Variants in SDK1 observed in about 807,000 individuals in gnomAD.
SDK1 encodes sidekick cell adhesion molecule 1, also known as protein sidekick-1.
SDK1 carries 157 observed loss-of-function variants against 245.5 expected under a neutral mutation model. The observed-to-expected ratio is 0.64, with a 90% CI of 0.56 to 0.73. SDK1 has a LOEUF of 0.73. Ranked by LOEUF, SDK1 falls within the 30% of genes least tolerant of loss-of-function variation. The pLI is 0.00. For missense variants in SDK1, 3,583 were observed against 3,002.3 expected, an observed-to-expected ratio of 1.19 and a Z score of -4.52; for synonymous variants, 1,647 against 1,278.5, an observed-to-expected ratio of 1.29 and a Z score of -6.15.
intron 1 of SDK1, among the ~76,000 whole-genome samples, chr7:3,417,717 T>A (rs1002922006): frequency 6.6e-6 from 1 of 152,280 alleles, no homozygotes; most frequent in East Asian, 1.9e-4. Context: ...CATAAAGTGT[T>A]TAGTGCAGAG....
At position 3,370,405 on chromosome 7, in the gene SDK1, C is replaced by T. The variant is rs1781192963; in HGVS notation, c.298+68521C>T. ...TTTATAAGTCTGTATCTTGACTTCA[C>T]AGTGGTGTGAAAAAGTAATTTCTTC... On this transcript the variant is annotated intron_variant, in intron 1 of 44. Coordinates refer to ENST00000404826, the MANE Select transcript of SDK1 (RefSeq NM_152744.4). Among the ~76,000 whole-genome samples, 3 of 152,172 alleles carry T rather than the reference C, an allele frequency of 2.0e-5. No homozygotes were observed. The South Asian group carries it at 6.2e-4, about 32-fold the overall frequency.
At chr7:4,098,352 A>G (rs1442505078) in intron 22 of SDK1, among the ~76,000 whole-genome samples, 1 of 151,840 alleles carries the variant, frequency 6.6e-6, no homozygotes, top group Non-Finnish European at 1.5e-5. Context: ...ATTTTATGAG[A>G]CTCATATTTC....
chr7:3,897,038 C>G (rs1441909455), intron 5 of SDK1, among the ~76,000 whole-genome samples: 1 of 152,136 alleles, frequency 6.6e-6, no homozygotes, highest in Non-Finnish European at 1.5e-5. Context: ...GAACTGCACA[C>G]TTACCAAACA....
chr7:3,864,805 A>G (rs1780781272), intron 5 of SDK1, among the ~76,000 whole-genome samples: 2 of 152,182 alleles, frequency 1.3e-5, no homozygotes, highest in African/African-American at 2.4e-5. Flanking sequence ...CCAGTGAGGG[A>G]AAGAATGAGG....
intron 1 of SDK1, among the ~76,000 whole-genome samples, chr7:3,435,068 C>A (rs1489094634): frequency 6.6e-6 from 1 of 152,084 alleles, no homozygotes; most frequent in African/African-American, 2.4e-5. Context: ...TTATGTAATT[C>A]TTTTTCTGAT....
At chr7:3,460,534 A>G (rs1780801956) in intron 1 of SDK1, among the ~76,000 whole-genome samples, 1 of 152,236 alleles carries the variant, frequency 6.6e-6, no homozygotes, top group Non-Finnish European at 1.5e-5. Flanking sequence ...GATAATTTAT[A>G]TGTCAGTGTG....
intron 1 of SDK1, among the ~76,000 whole-genome samples, chr7:3,514,800 A>G (rs1373886728): frequency 1.3e-5 from 2 of 152,200 alleles, no homozygotes; most frequent in Non-Finnish European, 2.9e-5. Context: ...CAGGATTTGT[A>G]TTACTAAAGA....
chr7:3,565,183 A>C (rs1364852176), intron 1 of SDK1, among the ~76,000 whole-genome samples: 1 of 151,860 alleles, frequency 6.6e-6, no homozygotes, highest in African/African-American at 2.4e-5. Flanking sequence ...ACATCTCTCC[A>C]GTCTTGCTTT....
At position 3,866,526 on chromosome 7, in the gene SDK1, A is replaced by C. The variant is rs191162768; in HGVS notation, c.847+44943A>C. ...GAAAGAAGGCCAGAATAGCTGGGTT[A>C]CAGCTCCCAAGGGGAGGGCAGGATG... On this transcript the variant is annotated intron_variant, in intron 5 of 44. Coordinates refer to ENST00000404826, the MANE Select transcript of SDK1 (RefSeq NM_152744.4). Among the ~76,000 whole-genome samples, 337 of 151,648 alleles carry C rather than the reference A, an allele frequency of 2.2e-3. 6 individuals are homozygous for C. In the South Asian group the frequency reaches 0.029, roughly 13 times the overall value.
chr7:4,232,041 A>C (rs1583134382), intron 40 of SDK1, among the ~76,000 whole-genome samples: 1 of 112,544 alleles, frequency 8.9e-6, no homozygotes, highest in Non-Finnish European at 1.9e-5. Flanking sequence ...CTCTGAGCCT[A>C]CTTTTTTTTT....
At chr7:4,170,326 A>G (rs1781758870) in intron 32 of SDK1, among the ~76,000 whole-genome samples, 1 of 152,098 alleles carries the variant, frequency 6.6e-6, no homozygotes, top group Non-Finnish European at 1.5e-5. Context: ...GCAGGTCTGT[A>G]GTCCCAGCTA....
chr7:4,245,598 C>G (rs1014408562), intron 43 of SDK1, 78 bp from the exon 44 acceptor site: 2 of 1,541,280 alleles, frequency 1.3e-6, no homozygotes, highest in African/African-American at 2.8e-5. Context: ...CAATAAAGGC[C>G]AAATGCCAGG....
At chr7:3,547,328 G>T (rs1336741961) in intron 1 of SDK1, among the ~76,000 whole-genome samples, 1 of 152,130 alleles carries the variant, frequency 6.6e-6, no homozygotes, top group Non-Finnish European at 1.5e-5. Flanking sequence ...GTCAAAGCAA[G>T]TTATGTGGTA....
At chr7:4,262,018 CTTTTTTTTTTTTTT>C (rs34610558) in intron 44 of SDK1, among the ~76,000 whole-genome samples, 4 of 59,254 alleles carry the variant, frequency 6.8e-5, no homozygotes, top group South Asian at 6.2e-4. Context: ...CTGCTTTCTC[CTTTTTTTTTTTTTT>C]TTTTTTTTTT....
chr7:3,863,596 C>T (rs1780748861), intron 5 of SDK1, among the ~76,000 whole-genome samples: 1 of 152,234 alleles, frequency 6.6e-6, no homozygotes, highest in African/African-American at 2.4e-5. Flanking sequence ...CCTCCCTCTT[C>T]AGCATCCTCA....
chr7:4,020,403 A>G (rs1432619173), intron 17 of SDK1, among the ~76,000 whole-genome samples: 2 of 152,166 alleles, frequency 1.3e-5, no homozygotes, highest in Admixed American at 6.5e-5. Flanking sequence ...GCTGAACAGA[A>G]TGAAGCGAGC....
intron 5 of SDK1, among the ~76,000 whole-genome samples, chr7:3,871,114 C>CATATGTCA (rs1780945031): frequency 6.6e-6 from 1 of 151,456 alleles, no homozygotes; most frequent in Non-Finnish European, 1.5e-5. Flanking sequence ...AGATCCTGCA[C>CATATGTCA]ATATGTCAAT....
At chr7:3,817,274 T>G (rs906463249) in intron 4 of SDK1, among the ~76,000 whole-genome samples, 1 of 152,278 alleles carries the variant, frequency 6.6e-6, no homozygotes, top group East Asian at 1.9e-4. Context: ...TAGATACTCT[T>G]AAGGGAAAGT....
At chr7:3,659,268 G>A (rs556860809) in intron 4 of SDK1, among the ~76,000 whole-genome samples, 1 of 151,994 alleles carries the variant, frequency 6.6e-6, no homozygotes, top group African/African-American at 2.4e-5. Context: ...AGCTGCCCTG[G>A]TCGGTACTGG....
Sources: gnomAD v4.1 joint callset for allele counts (sites outside exome capture counted in the v4.1 genomes callset) on GRCh38, gnomAD v4.1.1 for gene constraint, MANE v1.5 for transcripts, NCBI Gene and HGNC (gene_info 2026-07-23, HGNC 2026-07-21) for gene names.